Variants in MTUS2 observed in about 807,000 individuals in gnomAD.
MTUS2 encodes microtubule-associated tumor suppressor candidate 2.
In MTUS2, 40 loss-of-function variants were observed where a neutral mutation model predicts 114.1. The ratio of observed to expected loss-of-function variants is 0.35; its 90% CI spans 0.27 to 0.46. The LOEUF is 0.46. MTUS2 is among the 20% of genes least tolerant of loss of function. MTUS2 has a pLI of 1.00. For missense variants in MTUS2, 1,679 were observed against 1,705.4 expected, an observed-to-expected ratio of 0.98 and a Z score of 0.27; for synonymous variants, 688 against 672.0, an observed-to-expected ratio of 1.02 and a Z score of -0.37.
intron 5 of MTUS2, among the ~76,000 whole-genome samples, chr13:29,263,846 A>T (rs1237686671): frequency 6.6e-6 from 1 of 152,182 alleles, no homozygotes; most frequent in Non-Finnish European, 1.5e-5. Flanking sequence ...TTTCAACATG[A>T]GATTTGGTGG....
chr13:29,193,665 T>C (rs1894541810), intron 5 of MTUS2, among the ~76,000 whole-genome samples: 1 of 152,296 alleles, frequency 6.6e-6, no homozygotes, highest in Non-Finnish European at 1.5e-5. Flanking sequence ...ATGGCCATAC[T>C]GCCCAAGGTA....
rs148359998 is a variant in MTUS2 at position 29,359,621 on chromosome 13, T to C, written c.3117+148T>C. 311 of 847,228 alleles carry C rather than the reference T, an allele frequency of 3.7e-4. 1 individual carries two copies. The African/African-American group carries it at 4.7e-3, about 13-fold the overall frequency. The allele number at this position is 847,228 out of a possible 1,614,324, so 52.5% of individuals were successfully genotyped here. On this transcript the variant is annotated intron_variant, in intron 8 of 15. Transcript: ENST00000612955. ...TTTCAGGAGTTCAGGCAGAATCTCC[T>C]GAGGCATCCCATCATCTTTGGGGAG... is the stretch of plus-strand genomic sequence containing the variant.
chr13:29,005,372 C>T (rs928437085), intron 2 of MTUS2, among the ~76,000 whole-genome samples: 1 of 152,116 alleles, frequency 6.6e-6, no homozygotes, highest in African/African-American at 2.4e-5. Context: ...AGTGTTTGCC[C>T]ATCTCCAAAT....
chr13:28,864,593 G>A (rs761815297), intron 2 of MTUS2, among the ~76,000 whole-genome samples: 2 of 152,224 alleles, frequency 1.3e-5, no homozygotes, highest in African/African-American at 4.8e-5. Context: ...CAGTGGCCAA[G>A]CTAAATTAAG....
In MTUS2 at chr13:29,024,678, A is replaced by G. The variant is rs371449468; in HGVS notation, c.-21A>G. On this transcript the variant is annotated 5_prime_UTR_variant, in exon 3 of 16. Transcript: ENST00000612955. ...CATTAAGTAGGACTGCATGGCAAGCAGCCCCACCAAAGGGTTGACAATGAG... is the reference window on the plus strand; with the variant it reads ...CATTAAGTAGGACTGCATGGCAAGCGGCCCCACCAAAGGGTTGACAATGAG... The G allele has an allele frequency of 3.1e-6, 5 of 1,610,356 alleles. No homozygotes were observed. The highest frequency in any genetic ancestry group is 1.1e-5 in the South Asian group (1 of 90,096).
chr13:29,191,578 G>A (rs1894451536), intron 5 of MTUS2, among the ~76,000 whole-genome samples: 1 of 152,078 alleles, frequency 6.6e-6, no homozygotes, highest in Admixed American at 6.6e-5. Context: ...GGAACATGGG[G>A]GACTGGGCTT....
chr13:29,031,024 A>G (rs1886789196), intron 3 of MTUS2, among the ~76,000 whole-genome samples: 1 of 152,172 alleles, frequency 6.6e-6, no homozygotes, highest in East Asian at 1.9e-4. Context: ...GGTCTCAGGG[A>G]CACTCCCTCC....
chr13:28,822,149 C>T (rs1297660849), intron 1 of MTUS2, among the ~76,000 whole-genome samples: 1 of 152,154 alleles, frequency 6.6e-6, no homozygotes, highest in Non-Finnish European at 1.5e-5. Flanking sequence ...TTTTTAAGGT[C>T]AGAAAGAAAC....
chr13:28,953,908 G>A (rs1434341928), intron 2 of MTUS2, among the ~76,000 whole-genome samples: 1 of 152,184 alleles, frequency 6.6e-6, no homozygotes, highest in African/African-American at 2.4e-5. Flanking sequence ...AAAACATACT[G>A]AAGGGGGCGT....
chr13:29,317,490 C>G (rs1182066656), intron 6 of MTUS2, among the ~76,000 whole-genome samples: 2 of 11,104 alleles, frequency 1.8e-4, no homozygotes, highest in Non-Finnish European at 2.5e-4. Flanking sequence ...GGACTGCGGA[C>G]TGCAGTGGCG....
intron 8 of MTUS2, among the ~76,000 whole-genome samples, chr13:29,378,034 C>T (rs1473002704): frequency 6.6e-6 from 1 of 152,108 alleles, no homozygotes; most frequent in Non-Finnish European, 1.5e-5. Context: ...TACGCACTGT[C>T]TGGTTTCATT....
chr13:29,324,467 G>T, intron 6 of MTUS2, 146 bp from the exon 7 acceptor site: 1 of 617,296 alleles, frequency 1.6e-6, no homozygotes, highest in South Asian at 1.9e-5. Flanking sequence ...AGCACAGGGG[G>T]TGGTGACCAT....
At chr13:28,931,853 G>A (rs575590637) in intron 2 of MTUS2, among the ~76,000 whole-genome samples, 119 of 151,846 alleles carry the variant, frequency 7.8e-4, no homozygotes, top group Admixed American at 3.2e-3. Flanking sequence ...AACAGTCCCC[G>A]TTGTGTGATG....
At chr13:28,877,617 A>T (rs1226335466) in intron 2 of MTUS2, among the ~76,000 whole-genome samples, 1 of 152,208 alleles carries the variant, frequency 6.6e-6, no homozygotes, top group Non-Finnish European at 1.5e-5. Context: ...CAGTTAAAAG[A>T]AGTGAATTTG....
intron 5 of MTUS2, among the ~76,000 whole-genome samples, chr13:29,215,563 G>T (rs1287926432): frequency 2.7e-5 from 4 of 149,238 alleles, no homozygotes; most frequent in African/African-American, 9.9e-5. Context: ...GGTTTTGTGT[G>T]CATGTTCTTT....
intron 5 of MTUS2, among the ~76,000 whole-genome samples, chr13:29,174,183 A>G (rs1467198003): frequency 6.6e-6 from 1 of 152,158 alleles, no homozygotes; most frequent in Admixed American, 6.5e-5. Context: ...CATGCTACCT[A>G]GAAATACAAT....
chr13:29,110,399 T>C (rs1270589689), intron 5 of MTUS2, among the ~76,000 whole-genome samples: 3 of 152,182 alleles, frequency 2.0e-5, no homozygotes, highest in African/African-American at 7.2e-5. Flanking sequence ...CCAATTTGGG[T>C]GGGTGAAAAA....
chr13:29,419,905 A>C (rs927880187), intron 8 of MTUS2, among the ~76,000 whole-genome samples: 1 of 152,212 alleles, frequency 6.6e-6, no homozygotes, highest in Non-Finnish European at 1.5e-5. Context: ...TGAAACTGTC[A>C]TGTACAGAAG....
At chr13:28,857,618 T>C (rs1169953990) in intron 2 of MTUS2, among the ~76,000 whole-genome samples, 5 of 152,150 alleles carry the variant, frequency 3.3e-5, no homozygotes, top group East Asian at 1.9e-4. Flanking sequence ...TTTTAATAAA[T>C]ACTGAAGGGA....
Sources: gnomAD v4.1 joint callset for allele counts (sites outside exome capture counted in the v4.1 genomes callset) on GRCh38, gnomAD v4.1.1 for gene constraint, MANE v1.5 for transcripts, NCBI Gene and HGNC (gene_info 2026-07-23, HGNC 2026-07-21) for gene names.